The following MUC4 variants were observed in gnomAD, a reference collection of about 807,000 sequenced individuals.
The protein encoded by MUC4 is mucin-4.
A neutral mutation model predicts 257.9 loss-of-function variants in MUC4; 202 were observed. The ratio of observed to expected loss-of-function variants is 0.78; its 90% CI spans 0.70 to 0.88. MUC4 has a LOEUF of 0.88. Among genes scored for constraint, MUC4 ranks in the 40% least tolerant of loss-of-function variants. The probability of loss-of-function intolerance (pLI) is 0.00; values close to 1 mark genes in which losing one functional copy is unlikely to be tolerated. For synonymous variants in MUC4, 2,351 were observed against 2,757.1 expected (o/e 0.85, Z 4.62); for missense variants, 5,976 against 6,513.7 (o/e 0.92, Z 2.84).
At chr3:195,791,694 T>C (rs1733886579) in intron 1 of MUC4, among the ~76,000 whole-genome samples, 197 bp from the exon 2 acceptor site, 1 of 152,192 alleles carries the variant, frequency 6.6e-6, no homozygotes, top group Non-Finnish European at 1.5e-5. Flanking sequence ...AAGACAATCC[T>C]AAGCAAAAAG....
In MUC4 at chr3:195,760,992, C is replaced by T. The variant is rs767013563; in HGVS notation, c.14740G>A (p.Asp4914Asn). ...TCATAGATGCATGAGCTATCTCCGT[C>T]ACAGTTGGAGATCAAATGTTCAGCC... ...SWAEHLISNC[D>N]GDSSCIYDTL... is the part of the protein sequence containing the mutation. The change falls in exon 16 of 25, where the codon GAC becomes AAC. Residue 4914 changes from aspartate (D) to asparagine (N), a missense_variant. By Grantham distance (23) the Asp-to-Asn change is conservative (BLOSUM62 1). Coordinates refer to ENST00000463781, the MANE Select transcript of MUC4 (RefSeq NM_018406.7). 1 of 1,614,202 alleles carries T rather than the reference C, an allele frequency of 6.2e-7. No homozygotes were observed. The highest frequency in any genetic ancestry group is 8.5e-7 in the Non-Finnish European group (1 of 1,180,028).
In MUC4 at chr3:195,787,973, C is replaced by T; in HGVS notation, c.3607G>A (p.Val1203Ile). 7.9e-7 allele frequency: 1 copy of T among 1,266,054 alleles called. No homozygotes were observed. The allele number at this position is 1,266,054 out of a possible 1,614,324, so 78.4% of individuals were successfully genotyped here. A position where few individuals can be genotyped will look rare whatever the true frequency, so the allele number is the denominator to read the frequency against. The change falls in exon 2 of 25, where the codon GTC becomes ATC. Residue 1203 changes from valine to isoleucine, a missense_variant. Val to Ile is a conservative substitution (Grantham distance 29, BLOSUM62 3). This residue lies in a region of MUC4 where 90 missense variants were observed against 106.2 expected (regional missense o/e 0.85). Transcript: ENST00000463781. ...GTGGATGCTGAGGAAGTGTCGGTGACAAGAAGAGGGGTGGCGTGACCTGTG... is the reference window on the plus strand; with the variant it reads ...GTGGATGCTGAGGAAGTGTCGGTGATAAGAAGAGGGGTGGCGTGACCTGTG... ...ASTGHATPLL[V>I]TDTSSASTGH...
chr3:195,803,949 G>A (rs1189173659), intron 1 of MUC4, among the ~76,000 whole-genome samples: 1 of 152,198 alleles, frequency 6.6e-6, no homozygotes, highest in African/African-American at 2.4e-5. Context: ...ACACTGGGGT[G>A]TTTTTGCAAT....
chr3:195,770,518 C>T (rs989766799), intron 5 of MUC4, 147 bp from the exon 6 acceptor site: 2 of 888,670 alleles, frequency 2.3e-6, no homozygotes, highest in Non-Finnish European at 3.5e-6. Context: ...TTGCCGTGAG[C>T]TTTTCTGAGG....
In MUC4 at chr3:195,797,101, T is replaced by C. The variant is rs1004945108; in HGVS notation, c.83-5604A>G. Among the ~76,000 whole-genome samples the C allele has an allele frequency of 1.3e-4, 19 of 151,890 alleles. 1 individual carries two copies. Among genetic ancestry groups the C allele is most frequent in the Non-Finnish European group, 2.5e-4 (17 of 67,928 alleles). ...CTGGTAAAAATACAAAAAATTTGTA[T>C]TTTTTTGGATTACAGGTGTGTGCTG... On this transcript the variant is annotated intron_variant, in intron 1 of 24. Coordinates refer to ENST00000463781, the MANE Select transcript of MUC4 (RefSeq NM_018406.7).
chr3:195,750,976 A>C lies in MUC4; in HGVS notation c.15784T>G (p.Tyr5262Asp), dbSNP rs750951235. The change falls in exon 23 of 25, where the codon TAC becomes GAC. Residue 5262 changes from tyrosine to aspartate, a missense_variant. This residue lies in a region of MUC4 where 310 missense variants were observed against 242.1 expected (regional missense o/e 1.28). Coordinates refer to ENST00000463781, the MANE Select transcript of MUC4 (RefSeq NM_018406.7). ...LLAAVVEAFL[Y>D]HVPRRSEEPR... ...TCCTCACTCCTCCGTGGAACGTGGT[A>C]TAAGAACGCCTCCACCACCGCGGCC... The C allele has an allele frequency of 1.9e-6, 3 of 1,613,938 alleles. No individual in the cohort carries two copies. The highest frequency in any genetic ancestry group is 2.5e-6 in the Non-Finnish European group (3 of 1,179,980).
intron 1 of MUC4, among the ~76,000 whole-genome samples, chr3:195,807,307 A>G (rs1301212053): frequency 3.3e-5 from 5 of 152,180 alleles, no homozygotes; most frequent in African/African-American, 1.2e-4. Context: ...CATCTCTACT[A>G]AAAATACAAA....
chr3:195,767,596 A>ATCG (rs1560262234), intron 7 of MUC4, among the ~76,000 whole-genome samples: 13 of 115,464 alleles, frequency 1.1e-4, no homozygotes, highest in Non-Finnish European at 1.8e-4. Flanking sequence ...CACCACCACC[A>ATCG]CCATCATCAC....
chr3:195,782,939 G>A lies in MUC4; in HGVS notation c.8641C>T (p.Leu2881Phe), dbSNP rs750603783. The A allele has an allele frequency of 2.7e-6, 4 of 1,509,262 alleles. No individual in the cohort carries two copies. In the East Asian group the frequency reaches 1.0e-4, roughly 38 times the overall value. The allele number at this position is 1,509,262 out of a possible 1,614,324, so 93.5% of individuals were successfully genotyped here. Residue 2881 changes from leucine to phenylalanine, a missense_variant, in exon 2 of 25, where the codon CTT (leucine) becomes TTT (phenylalanine). Leu to Phe is a conservative substitution (Grantham distance 22). Coordinates refer to ENST00000463781, the MANE Select transcript of MUC4 (RefSeq NM_018406.7). ...SSVSTGHATP[L>F]PVTDASSVST... ...ACTGAGGAAGCGTCGGTGACAGGAA[G>A]AGGGGTGGCATGACCTGTGGACACT...
intron 8 of MUC4, among the ~76,000 whole-genome samples, chr3:195,766,429 G>A (rs1003944125): frequency 6.6e-5 from 10 of 152,092 alleles, no homozygotes; most frequent in Non-Finnish European, 1.0e-4. Flanking sequence ...ATCTGAGGGA[G>A]GAGATGTAGC....
At position 195,788,718 on chromosome 3, in the gene MUC4, G is replaced by C. The variant is rs755620638; in HGVS notation, c.2862C>G (p.Thr954=). Residue 954 remains threonine (T), a synonymous_variant, in exon 2 of 25, where the codon ACC becomes ACG. Transcript: ENST00000463781. ...STGLTSPQTE[T]HTLSPSGSGK... is the part of the protein sequence containing the mutation. ...CAGACCCTGAAGGTGACAGAGTGTG[G>C]GTCTCGGTTTGTGGAGATGTAAGCC... The C allele has an allele frequency of 1.9e-6, 3 of 1,613,724 alleles. No individual in the cohort carries two copies. The highest frequency in any genetic ancestry group is 1.7e-6 in the Non-Finnish European group (2 of 1,179,800).
intron 7 of MUC4, among the ~76,000 whole-genome samples, chr3:195,767,832 TCAC>T (rs1168127717): frequency 1.2e-3 from 60 of 49,256 alleles, no homozygotes; most frequent in Middle Eastern, 0.015. Context: ...ACCACCACCA[TCAC>T]CACCACCACC....
At chr3:195,800,889 T>TG (rs1735213997) in intron 1 of MUC4, among the ~76,000 whole-genome samples, 1 of 84,156 alleles carries the variant, frequency 1.2e-5, no homozygotes, top group Non-Finnish European at 2.4e-5. Flanking sequence ...ACCCCTTCTC[T>TG]GAAAAAAAAA....
Position 195,779,972 on chromosome 3 carries a change from C to A in MUC4, c.11608G>T (p.Ala3870Ser). 1 of 1,437,408 alleles carries A rather than the reference C, an allele frequency of 7.0e-7. No individual in the cohort carries two copies. The highest frequency in any genetic ancestry group is 9.2e-7 in the Non-Finnish European group (1 of 1,086,806). 89.0% of individuals were successfully genotyped at this position (1,437,408 alleles called of 1,614,324 possible). A position where few individuals can be genotyped will look rare whatever the true frequency, so the allele number is the denominator to read the frequency against. ...TSPSSASTGHATPLPVTGLSS... is the reference protein window; with the variant it reads ...TSPSSASTGHSTPLPVTGLSS... Reference sequence around the variant, plus strand: ...AGGCCGGTAACAGGAAGAGGGGTGGCGTGACCTGTGGATGCTGAGGAAGGG... The same window carrying A: ...AGGCCGGTAACAGGAAGAGGGGTGGAGTGACCTGTGGATGCTGAGGAAGGG... Residue 3870 changes from alanine to serine, a missense_variant, in exon 2 of 25, where the codon GCC (alanine) becomes TCC (serine). Ala to Ser is a moderately conservative substitution (Grantham distance 99). This residue lies in a region of MUC4 where 330 missense variants were observed against 262.0 expected (regional missense o/e 1.26). Coordinates refer to ENST00000463781, the MANE Select transcript of MUC4 (RefSeq NM_018406.7).
intron 23 of MUC4, among the ~76,000 whole-genome samples, chr3:195,749,432 G>C (rs1405736062): frequency 1.3e-5 from 2 of 152,180 alleles, no homozygotes; most frequent in African/African-American, 4.8e-5. Flanking sequence ...AACTCTGCTA[G>C]TGACTAGATG....
Position 195,780,901 on chromosome 3 carries a change from G to A in MUC4, c.10679C>T (p.Ser3560Leu), listed in dbSNP as rs779385534. Reference protein sequence around the residue: ...TTPLPVTDASSASTGQATPLP... With the variant: ...TTPLPVTDASLASTGQATPLP... The stretch of plus-strand genomic sequence containing the variant: ...AGGGGTGGCCTGACCTGTGGATGCC[G>A]AGGAAGCGTCGGTGACAGGAAGAGG... The change falls in exon 2 of 25, where the codon TCG (serine) becomes TTG (leucine). Residue 3560 changes from serine (S) to leucine (L), a missense_variant. Transcript: ENST00000463781. The A allele has an allele frequency of 1.4e-5, 21 of 1,513,704 alleles. 2 individuals carry two copies. In the Admixed American group the frequency reaches 2.0e-4, roughly 15 times the overall value. 93.8% of individuals were successfully genotyped at this position (1,513,704 alleles called of 1,614,324 possible).
chr3:195,805,034 G>C (rs1215940239), intron 1 of MUC4, among the ~76,000 whole-genome samples: 1 of 151,968 alleles, frequency 6.6e-6, no homozygotes, highest in Non-Finnish European at 1.5e-5. Context: ...AGGCTGGAGA[G>C]AGGGTGACGT....
chr3:195,763,671 C>T (rs1341780709), intron 11 of MUC4, 30 bp from the exon 12 acceptor site: 1 of 1,461,292 alleles, frequency 6.8e-7, no homozygotes, highest in East Asian at 2.5e-5. Context: ...GCTGCCTCAG[C>T]ATGACAAATC....
rs71187747 is a variant in MUC4 at position 195,782,551 on chromosome 3, G to A, written c.9029C>T (p.Pro3010Leu). The change falls in exon 2 of 25, where the codon CCT becomes CTT. Residue 3010 changes from proline (P) to leucine (L), a missense_variant. This residue lies in a region of MUC4 where 68 missense variants were observed against 50.2 expected (regional missense o/e 1.35). Transcript: ENST00000463781. ...GGATATTGAGGAAGTGTCGGTGACA[G>A]GAAGAGAGGTGGCGTGACCTATGGA... ...SASIGHATSL[P>L]VTDTSSISTG... 113 of 913,246 alleles carry A rather than the reference G, an allele frequency of 1.2e-4. 1 individual carries two copies. Among genetic ancestry groups the A allele is most frequent in the South Asian group, 2.1e-4 (13 of 62,644 alleles). 56.6% of individuals were successfully genotyped at this position (913,246 alleles called of 1,614,324 possible).
Sources: gnomAD v4.1 joint callset for allele counts (sites outside exome capture counted in the v4.1 genomes callset) on GRCh38, gnomAD v4.1.1 for gene constraint, gnomAD v4.1.1 regional missense constraint, MANE v1.5 for transcripts, NCBI Gene and HGNC (gene_info 2026-07-23, HGNC 2026-07-21) for gene names.